CSGALNACT1: variants seen among roughly 807,000 people sequenced by gnomAD.
The protein encoded by CSGALNACT1 is beta4GalNAcT-1.
Under a neutral mutation model 51.0 loss-of-function variants are expected in CSGALNACT1, and 52 were observed. The observed-to-expected ratio is 1.02, with a 90% CI of 0.82 to 1.29. The LOEUF is 1.29. Ranked by LOEUF, CSGALNACT1 falls within the 50% of genes most tolerant of loss-of-function variation. The pLI is 0.00. For synonymous variants in CSGALNACT1, 341 were observed against 254.4 expected (o/e 1.34, Z -3.24); for missense variants, 935 against 679.2 (o/e 1.38, Z -4.19).
chr8:19,418,823 C>A, intron 7 of CSGALNACT1, 73 bp from the exon 7 acceptor site: 2 of 1,026,242 alleles, frequency 1.9e-6, no homozygotes, highest in Non-Finnish European at 1.5e-6. Context: ...GACATTTGGC[C>A]CTCTGAAACA....
At chr8:19,508,511 T>C (rs1387372262) in intron 3 of CSGALNACT1, among the ~76,000 whole-genome samples, 1 of 152,222 alleles carries the variant, frequency 6.6e-6, no homozygotes. Flanking sequence ...ATATAATTAC[T>C]GTAATTCTGT....
intron 4 of CSGALNACT1, among the ~76,000 whole-genome samples, chr8:19,477,320 T>G (rs1421969572): frequency 6.6e-6 from 1 of 152,192 alleles, no homozygotes; most frequent in African/African-American, 2.4e-5. Context: ...AGAAAAAAGT[T>G]CTGGGTCCAC....
chr8:19,716,977 G>A (rs908653177), intron 1 of CSGALNACT1, among the ~76,000 whole-genome samples: 10 of 152,160 alleles, frequency 6.6e-5, no homozygotes, highest in Non-Finnish European at 1.0e-4. Flanking sequence ...CCACTCAGTT[G>A]TTGCATGGCA....
intron 5 of CSGALNACT1, among the ~76,000 whole-genome samples, chr8:19,451,841 C>T (rs114948658): frequency 1.1e-4 from 17 of 152,200 alleles, no homozygotes; most frequent in South Asian, 4.2e-4. Context: ...AACTGCAAGG[C>T]GATAGGGCCC....
intron 3 of CSGALNACT1, among the ~76,000 whole-genome samples, chr8:19,573,250 T>C (rs886184287): frequency 3.3e-5 from 5 of 152,186 alleles, no homozygotes; most frequent in Non-Finnish European, 7.4e-5. Context: ...CTGACTGTCA[T>C]AGCAACCAGA....
intron 6 of CSGALNACT1, among the ~76,000 whole-genome samples, chr8:19,431,813 CTTTTTTT>C (rs71205925): frequency 1.3e-5 from 2 of 149,058 alleles, no homozygotes; most frequent in African/African-American, 5.0e-5. Context: ...GTTCTTTTTT[CTTTTTTT>C]TTTTAATTAA....
intron 1 of CSGALNACT1, among the ~76,000 whole-genome samples, chr8:19,718,922 A>G (rs993873926): frequency 4.6e-5 from 7 of 152,216 alleles, no homozygotes; most frequent in Non-Finnish European, 8.8e-5. Context: ...CTGACGTATT[A>G]TGGCTATTAA....
chr8:19,684,976 G>A (rs2060891296), upstream of CSGALNACT1, among the ~76,000 whole-genome samples: 1 of 152,158 alleles, frequency 6.6e-6, no homozygotes, highest in South Asian at 2.1e-4. Flanking sequence ...TACTGTAACA[G>A]CACTCACAGA....
chr8:19,499,441 A>T (rs977956300), intron 4 of CSGALNACT1, among the ~76,000 whole-genome samples: 20 of 152,226 alleles, frequency 1.3e-4, no homozygotes, highest in African/African-American at 4.6e-4. Flanking sequence ...AATGAGTGCA[A>T]CCTTCCACCC....
intron 1 of CSGALNACT1, among the ~76,000 whole-genome samples, chr8:19,681,303 G>T (rs1356356601): frequency 1.3e-5 from 2 of 152,162 alleles, no homozygotes; most frequent in Non-Finnish European, 2.9e-5. Flanking sequence ...TTGGATATGT[G>T]TAAGAGGTTG....
intron 3 of CSGALNACT1, among the ~76,000 whole-genome samples, chr8:19,585,816 T>C (rs1454209486): frequency 6.6e-5 from 10 of 152,192 alleles, no homozygotes; most frequent in African/African-American, 2.4e-4. Context: ...CCAACCAGAG[T>C]TCCAGGTCCC....
chr8:19,520,443 C>A (rs2080428142), intron 3 of CSGALNACT1, among the ~76,000 whole-genome samples: 1 of 152,248 alleles, frequency 6.6e-6, no homozygotes, highest in Non-Finnish European at 1.5e-5. Context: ...CTATGAGTCC[C>A]TCTCCTGGAG....
At chr8:19,638,716 T>C (rs957747506) in intron 1 of CSGALNACT1, among the ~76,000 whole-genome samples, 19 of 152,302 alleles carry the variant, frequency 1.2e-4, no homozygotes, top group Non-Finnish European at 1.8e-4. Context: ...TCCTGTTCTA[T>C]AGTCACTGGG....
In CSGALNACT1 at chr8:19,566,701, T is replaced by C. The variant is rs373620359; in HGVS notation, c.-297+24459A>G. On this transcript the variant is annotated intron_variant, in intron 3 of 9. Transcript: ENST00000454498. ...CATTCTTGTTAGGATTTGAAGCCCC[T>C]TGCTTGATGTCTCTGTAAGGGAGTT... is the stretch of plus-strand genomic sequence containing the variant. Among the ~76,000 whole-genome samples, 3 of 152,338 alleles carry C rather than the reference T, an allele frequency of 2.0e-5. No homozygotes were observed. In the South Asian group the frequency reaches 6.2e-4, roughly 32 times the overall value.
chr8:19,708,181 C>T (rs559991881), intron 1 of CSGALNACT1, among the ~76,000 whole-genome samples: 23 of 152,174 alleles, frequency 1.5e-4, no homozygotes, highest in Admixed American at 1.2e-3. Context: ...GTCACATTGC[C>T]CTGTTTTATT....
At chr8:19,512,348 C>T (rs185683706) in intron 3 of CSGALNACT1, among the ~76,000 whole-genome samples, 1 of 152,326 alleles carries the variant, frequency 6.6e-6, no homozygotes, top group East Asian at 1.9e-4. Context: ...AACCAGAGAG[C>T]TTGATTGCAA....
At chr8:19,452,796 G>T (rs866719823) in intron 5 of CSGALNACT1, among the ~76,000 whole-genome samples, 2 of 151,928 alleles carry the variant, frequency 1.3e-5, no homozygotes, top group Non-Finnish European at 2.9e-5. Flanking sequence ...TACACCAAGC[G>T]AGCCGGGCAA....
At chr8:19,596,185 G>C (rs1250880515) in intron 2 of CSGALNACT1, among the ~76,000 whole-genome samples, 1 of 152,032 alleles carries the variant, frequency 6.6e-6, no homozygotes, top group Non-Finnish European at 1.5e-5. Context: ...CAGTTCCTCA[G>C]GAAAGGTATC....
intron 3 of CSGALNACT1, among the ~76,000 whole-genome samples, chr8:19,552,047 A>G (rs1164077658): frequency 6.6e-6 from 1 of 152,214 alleles, no homozygotes; most frequent in Non-Finnish European, 1.5e-5. Flanking sequence ...TTTAGTCTAC[A>G]AATCATAATT....
Sources: allele counts gnomAD v4.1 joint callset (sites outside exome capture counted in the v4.1 genomes callset), GRCh38; gene constraint gnomAD v4.1.1; transcripts MANE v1.5; gene names NCBI Gene and HGNC (gene_info 2026-07-23, HGNC 2026-07-21).